Variants in INVS observed in about 807,000 individuals in gnomAD.
The protein encoded by INVS is inversion of embryo turning homolog.
In INVS, 86 loss-of-function variants were observed where a neutral mutation model predicts 108.8. The observed-to-expected ratio is 0.79, with a 90% CI of 0.66 to 0.95. The LOEUF is 0.95. Among genes scored for constraint, INVS ranks in the 40% least tolerant of loss-of-function variants. The pLI, the probability that INVS is intolerant of heterozygous loss-of-function variation, is 0.00. For missense variants in INVS, 1,169 were observed against 1,297.4 expected (o/e 0.90, Z 1.52); for synonymous variants, 455 against 473.5 (o/e 0.96, Z 0.51).
chr9:100,300,632 C>A lies in INVS; in HGVS notation c.3156C>A (p.Asn1052Lys). The A allele has an allele frequency of 6.2e-7, 1 of 1,613,942 alleles. No individual in the cohort carries two copies. The highest frequency in any genetic ancestry group is 8.5e-7 in the Non-Finnish European group (1 of 1,179,882). The change falls in exon 17 of 17, where the codon AAC (asparagine) becomes AAA (lysine). Residue 1052 changes from asparagine to lysine, a missense_variant. Physicochemically the swap from Asn to Lys is moderately conservative, Grantham distance 94. Coordinates refer to ENST00000262457, the MANE Select transcript of INVS (RefSeq NM_014425.5). ...NSGRSKNFSY[N>K]LQSATQPKNK... ...GAAGATCAAAGAACTTTTCTTATAA[C>A]CTGCAATCAGCTACTCAGCCAAAAA...
At chr9:100,125,728 C>T (rs1827864410) in intron 2 of INVS, among the ~76,000 whole-genome samples, 1 of 145,168 alleles carries the variant, frequency 6.9e-6, no homozygotes. Flanking sequence ...TCTCGTTGTC[C>T]AGGCTGGAGT....
Position 100,297,068 on chromosome 9 carries a change from A to C in INVS, c.2938A>C (p.Ser980Arg), listed in dbSNP as rs1479917608. 6.2e-7 allele frequency: 1 copy of C among 1,614,042 alleles called. No individual in the cohort carries two copies. Among genetic ancestry groups the C allele is most frequent in the East Asian group, 2.2e-5 (1 of 44,838 alleles). ...ELKFPQTTAV[S>R]KAPKSPSKGT... is the part of the protein sequence containing the mutation. ...AAAATTCCCCCAAACCACTGCAGTAAGCAAGGCCCCCAAGAGTCCATCCAA... is the reference window on the plus strand; with the variant it reads ...AAAATTCCCCCAAACCACTGCAGTACGCAAGGCCCCCAAGAGTCCATCCAA... Residue 980 changes from serine (S) to arginine (R), a missense_variant, in exon 15 of 17, where the codon AGC becomes CGC. Coordinates refer to ENST00000262457, the MANE Select transcript of INVS (RefSeq NM_014425.5).
In INVS at chr9:100,281,451, A is replaced by T. The variant is rs897792588; in HGVS notation, c.1785-2869A>T. 2.0e-5 allele frequency among the ~76,000 whole-genome samples: 3 copies of T among 152,184 alleles called. No homozygotes were observed. In the South Asian group the frequency reaches 6.2e-4, roughly 31 times the overall value. On this transcript the variant is annotated intron_variant, in intron 12 of 16. Transcript: ENST00000262457. ...TATTGCTGCTGCTGCTTTAGTTTTA[A>T]GGCAGCAATATAGATAAAATAGGAT...
At chr9:100,250,288 AT>A (rs1347030062) in intron 8 of INVS, among the ~76,000 whole-genome samples, 4 of 152,130 alleles carry the variant, frequency 2.6e-5, no homozygotes, top group African/African-American at 9.7e-5. Context: ...AGCTTCAACA[AT>A]TATCAATACG....
intron 14 of INVS, among the ~76,000 whole-genome samples, chr9:100,293,953 A>C (rs1215835081): frequency 6.6e-6 from 1 of 152,142 alleles, no homozygotes; most frequent in African/African-American, 2.4e-5. Flanking sequence ...ACTTGAACCC[A>C]GGGTTATGAG....
rs368173855 is a variant in INVS at position 100,104,624 on chromosome 9, G to A, written c.103G>A (p.Val35Ile). 4.8e-5 allele frequency: 77 copies of A among 1,607,892 alleles called. 1 individual carries two copies. In the South Asian group the frequency reaches 5.9e-4, roughly 12 times the overall value. Residue 35 changes from valine (V) to isoleucine (I), a missense_variant, in exon 2 of 17, where the codon GTA becomes ATA. This residue lies in a region of INVS where 365 missense variants were observed against 397.5 expected (regional missense o/e 0.92). Coordinates refer to ENST00000262457, the MANE Select transcript of INVS (RefSeq NM_014425.5). ...TAAGGGTGCTCTACAGAGGCTCATC[G>A]TAGGTAAGCAGTCCCCTTAAGTACA... ...GDKGALQRLI[V>I]GNSALKDKED...
intron 8 of INVS, among the ~76,000 whole-genome samples, chr9:100,248,451 C>G (rs1832116708): frequency 6.6e-6 from 1 of 150,994 alleles, no homozygotes; most frequent in Admixed American, 6.6e-5. Context: ...AAGTGAGTTC[C>G]TCTCCGTCAT....
intron 13 of INVS, among the ~76,000 whole-genome samples, chr9:100,285,310 G>GT (rs1833406372): frequency 6.6e-6 from 1 of 152,190 alleles, no homozygotes; most frequent in African/African-American, 2.4e-5. Flanking sequence ...GTGTTTCTCA[G>GT]TAACAGTCCT....
At chr9:100,196,551 G>A (rs900876966) in intron 3 of INVS, among the ~76,000 whole-genome samples, 2 of 151,952 alleles carry the variant, frequency 1.3e-5, no homozygotes, top group African/African-American at 4.8e-5. Flanking sequence ...ACTCAAAATG[G>A]TTCCTTTATT....
At chr9:100,235,633 T>G (rs185249312) in intron 5 of INVS, among the ~76,000 whole-genome samples, 9 of 152,306 alleles carry the variant, frequency 5.9e-5, no homozygotes, top group Admixed American at 4.6e-4. Context: ...GAAGCTTAGT[T>G]TGGCTGGATA....
intron 13 of INVS, among the ~76,000 whole-genome samples, chr9:100,291,325 G>A (rs1410035134): frequency 6.6e-6 from 1 of 152,196 alleles, no homozygotes; most frequent in Non-Finnish European, 1.5e-5. Context: ...CTCCCAAAGT[G>A]CTGGGATTAC....
At chr9:100,240,875 C>T (rs925011771) in intron 6 of INVS, among the ~76,000 whole-genome samples, 4 of 151,678 alleles carry the variant, frequency 2.6e-5, no homozygotes, top group African/African-American at 9.7e-5. Flanking sequence ...GCTTTCTGCT[C>T]TTTGGTATAT....
chr9:100,271,544 T>G (rs1242624628), intron 11 of INVS, among the ~76,000 whole-genome samples: 3 of 152,224 alleles, frequency 2.0e-5, no homozygotes, highest in Admixed American at 2.0e-4. Flanking sequence ...CATATATACA[T>G]GAATAATTTT....
rs1829484833 is a variant in INVS at position 100,169,930 on chromosome 9, C to A, written c.273+43381C>A. Among the ~76,000 whole-genome samples the A allele has an allele frequency of 3.3e-5, 5 of 152,172 alleles. No homozygotes were observed. The South Asian group carries it at 1.0e-3, about 32-fold the overall frequency. On this transcript the variant is annotated intron_variant, in intron 3 of 16. Coordinates refer to ENST00000262457, the MANE Select transcript of INVS (RefSeq NM_014425.5). Reference sequence around the variant, plus strand: ...GATGAACCTGGTTATCTCATTGGGCCCTTCAAACCCTGAGGTCCATACTAT... The same window carrying A: ...GATGAACCTGGTTATCTCATTGGGCACTTCAAACCCTGAGGTCCATACTAT...
intron 3 of INVS, among the ~76,000 whole-genome samples, chr9:100,162,910 A>G (rs1206983199): frequency 6.6e-6 from 1 of 152,248 alleles, no homozygotes; most frequent in East Asian, 1.9e-4. Context: ...AGACCAACCA[A>G]TATCAGGGTT....
At chr9:100,248,601 G>A (rs567743252) in intron 8 of INVS, among the ~76,000 whole-genome samples, 1 of 151,910 alleles carries the variant, frequency 6.6e-6, no homozygotes, top group South Asian at 2.1e-4. Context: ...CAATATTATT[G>A]AACATTATAG....
intron 3 of INVS, among the ~76,000 whole-genome samples, chr9:100,215,207 C>T (rs1463296543): frequency 4.6e-5 from 7 of 152,118 alleles, no homozygotes; most frequent in African/African-American, 1.2e-4. Context: ...GGTGGGTAAA[C>T]CCAAATTAAG....
At chr9:100,257,897 C>G (rs540339946) in intron 10 of INVS, among the ~76,000 whole-genome samples, 2 of 152,290 alleles carry the variant, frequency 1.3e-5, no homozygotes, top group East Asian at 3.9e-4. Flanking sequence ...TGGAGTTGCT[C>G]TTCTCGAGGA....
At chr9:100,212,976 G>T (rs1830877399) in intron 3 of INVS, among the ~76,000 whole-genome samples, 1 of 152,070 alleles carries the variant, frequency 6.6e-6, no homozygotes, top group Non-Finnish European at 1.5e-5. Context: ...CCAAGATCAA[G>T]GCACCAGCAG....
Sources: allele counts gnomAD v4.1 joint callset (sites outside exome capture counted in the v4.1 genomes callset), GRCh38; gene constraint gnomAD v4.1.1; regional missense constraint gnomAD v4.1.1; transcripts MANE v1.5; gene names NCBI Gene and HGNC (gene_info 2026-07-23, HGNC 2026-07-21).